FRAS1: variants seen among roughly 807,000 people sequenced by gnomAD.
FRAS1 encodes the protein extracellular matrix organizing protein FRAS1.
Under a neutral mutation model 435.2 loss-of-function variants are expected in FRAS1, and 290 were observed. The observed-to-expected ratio is 0.67, with a 90% CI of 0.61 to 0.73. The LOEUF is 0.73. Among genes scored for constraint, FRAS1 ranks in the 30% least tolerant of loss-of-function variants. The pLI is 0.00. For missense variants in FRAS1, 4,860 were observed against 5,001.5 expected (o/e 0.97, Z 0.85); for synonymous variants, 1,800 against 1,851.0 (o/e 0.97, Z 0.71).
At chr4:78,263,775 A>G (rs1726225761) in intron 6 of FRAS1, among the ~76,000 whole-genome samples, 2 of 152,260 alleles carry the variant, frequency 1.3e-5, no homozygotes, top group African/African-American at 2.4e-5. Flanking sequence ...AAAGAAATAA[A>G]ACAACCTAAA....
chr4:78,260,377 A>T (rs1265602832), intron 6 of FRAS1, among the ~76,000 whole-genome samples: 1 of 151,962 alleles, frequency 6.6e-6, no homozygotes, highest in Admixed American at 6.6e-5. Flanking sequence ...CTTTTATTTC[A>T]TCGATCAGTG....
At chr4:78,456,037 A>C (rs1496581) in intron 47 of FRAS1, among the ~76,000 whole-genome samples, 114,828 of 151,488 alleles carry the variant, frequency 0.76, 44,120 homozygotes, top group African/African-American at 0.87. Context: ...AGGCGAATGC[A>C]GCAGCTGTGG....
At chr4:78,116,042 T>G (rs1340634252) in intron 2 of FRAS1, among the ~76,000 whole-genome samples, 1 of 152,244 alleles carries the variant, frequency 6.6e-6, no homozygotes, top group Admixed American at 6.5e-5. Flanking sequence ...TTTGTTCTCA[T>G]TGGTTTCAAA....
intron 2 of FRAS1, among the ~76,000 whole-genome samples, chr4:78,157,873 T>C (rs538243921): frequency 4.2e-4 from 64 of 152,198 alleles, no homozygotes; most frequent in African/African-American, 1.5e-3. Context: ...AGGGTTCAGT[T>C]TTATTATTCT....
At chr4:78,082,519 T>G (rs1740942792) in intron 2 of FRAS1, among the ~76,000 whole-genome samples, 1 of 152,140 alleles carries the variant, frequency 6.6e-6, no homozygotes, top group African/African-American at 2.4e-5. Flanking sequence ...AAGTACAGTT[T>G]CATTGGAAAT....
intron 23 of FRAS1, among the ~76,000 whole-genome samples, chr4:78,371,083 G>GGTTTTTTTTTTTT (rs1456015210): frequency 1.6e-5 from 2 of 127,436 alleles, no homozygotes; most frequent in African/African-American, 3.2e-5. Flanking sequence ...TTTTTTTTCT[G>GGTTTTTTTTTTTT]TTTTTTTGTT....
intron 61 of FRAS1, among the ~76,000 whole-genome samples, chr4:78,504,187 A>G (rs1314791098): frequency 6.6e-6 from 1 of 152,186 alleles, no homozygotes; most frequent in African/African-American, 2.4e-5. Flanking sequence ...AAGAATGTAT[A>G]TTCTGTTGAT....
intron 70 of FRAS1, among the ~76,000 whole-genome samples, chr4:78,532,405 A>G (rs1721742502): frequency 1.3e-5 from 2 of 152,130 alleles, no homozygotes; most frequent in Admixed American, 6.6e-5. Context: ...TTTATGGTAT[A>G]TATTTAAGGT....
intron 2 of FRAS1, among the ~76,000 whole-genome samples, chr4:78,201,064 T>C (rs1010849759): frequency 2.6e-5 from 4 of 152,120 alleles, no homozygotes; most frequent in African/African-American, 9.7e-5. Flanking sequence ...CATACTTTTC[T>C]GATCTCAGAT....
rs1248624724 is a variant in FRAS1 at position 78,540,598 on chromosome 4, C to T, written c.11513C>T (p.Pro3838Leu). The change falls in exon 74 of 74, where the codon CCC becomes CTC. Residue 3838 changes from proline to leucine, a missense_variant. Transcript: ENST00000512123. ...ATTGGCCCTGACACCATCTCAGGGC[C>T]CCGGGTCCAGCGCTCTCTCACAGCT... ...YIIGPDTISG[P>L]RVQRSLTAPL... 3 of 1,537,882 alleles carry T rather than the reference C, an allele frequency of 2.0e-6. No individual in the cohort carries two copies. The highest frequency in any genetic ancestry group is 2.8e-5 in the African/African-American group (2 of 72,336).
chr4:78,295,436 A>G (rs57912725), intron 14 of FRAS1, among the ~76,000 whole-genome samples: 2,089 of 152,292 alleles, frequency 0.014, 53 homozygotes, highest in African/African-American at 0.047. Context: ...TAAATTGTCA[A>G]TTTGATTGAT....
chr4:78,275,880 A>C (rs532490757), intron 9 of FRAS1, among the ~76,000 whole-genome samples: 1 of 152,192 alleles, frequency 6.6e-6, no homozygotes, highest in Non-Finnish European at 1.5e-5. Context: ...AGATTGGGGA[A>C]GTTCTCCTGG....
rs1255850670 is a variant in FRAS1, at chr4:78,267,273, C to T, written c.822C>T (p.Cys274=). 1 of 1,613,628 alleles carries T rather than the reference C, an allele frequency of 6.2e-7. No individual in the cohort carries two copies. Among genetic ancestry groups the T allele is most frequent in the Non-Finnish European group, 8.5e-7 (1 of 1,179,836 alleles). Reference sequence around the variant, plus strand: ...GCAGGGCTCGGCGTCATGGGCAATGCTGTGAGGAATGTGTGTCTCCTGCCG... The same window carrying T: ...GCAGGGCTCGGCGTCATGGGCAATGTTGTGAGGAATGTGTGTCTCCTGCCG... ...GQSRARRHGQ[C]CEECVSPAGS... is the part of the protein sequence containing the mutation. The change falls in exon 9 of 74, where the codon TGC becomes TGT. Residue 274 remains cysteine (C), a synonymous_variant. Coordinates refer to ENST00000512123, the MANE Select transcript of FRAS1 (RefSeq NM_025074.7).
chr4:78,488,918 G>A lies in FRAS1; in HGVS notation c.8796G>A (p.Glu2932=). ...QFAKDLLLVK[E]KEGVLHVPIT... is the part of the protein sequence containing the mutation. ...CCAAGGATTTGCTCCTAGTGAAGGAGAAGGAGGGTGTCCTGCATGTCCCTA... is the reference window on the plus strand; with the variant it reads ...CCAAGGATTTGCTCCTAGTGAAGGAAAAGGAGGGTGTCCTGCATGTCCCTA... The change falls in exon 59 of 74, where the codon GAG becomes GAA. Residue 2932 remains glutamate, a synonymous_variant. Transcript: ENST00000512123. 1 of 1,613,380 alleles carries A rather than the reference G, an allele frequency of 6.2e-7. No homozygotes were observed. Among genetic ancestry groups the A allele is most frequent in the Non-Finnish European group, 8.5e-7 (1 of 1,179,680 alleles).
intron 27 of FRAS1, among the ~76,000 whole-genome samples, chr4:78,381,366 C>G (rs935989737): frequency 6.6e-6 from 1 of 152,188 alleles, no homozygotes; most frequent in Non-Finnish European, 1.5e-5. Flanking sequence ...TACAGTGGCA[C>G]GATCTTGGCT....
intron 2 of FRAS1, among the ~76,000 whole-genome samples, chr4:78,191,577 C>T (rs150590130): frequency 0.025 from 3,646 of 146,206 alleles, 98 homozygotes; most frequent in African/African-American, 0.068. Flanking sequence ...TTTTAGGGTT[C>T]GTGTGCACAA....
chr4:78,235,461 T>G (rs1025086231), intron 2 of FRAS1, among the ~76,000 whole-genome samples: 4 of 152,200 alleles, frequency 2.6e-5, no homozygotes, highest in African/African-American at 9.6e-5. Flanking sequence ...TTAGTAGGAC[T>G]CCAACTACTT....
rs1276472874 is a variant in FRAS1, at chr4:78,252,377, CT to C, written c.310-14del. On this transcript the variant is annotated splice_polypyrimidine_tract_variant and intron_variant, in intron 4 of 73. Coordinates refer to ENST00000512123, the MANE Select transcript of FRAS1 (RefSeq NM_025074.7). ...GGCACTAACCTTTTTTTTTTTCTGT[CT>C]CCCTAACACACAGCATGGGACAGAA... is the stretch of plus-strand genomic sequence containing the variant. The C allele has an allele frequency of 1.3e-6, 2 of 1,566,094 alleles. No homozygotes were observed. The highest frequency in any genetic ancestry group is 2.8e-5 in the African/African-American group (2 of 71,364).
At chr4:78,263,479 C>T (rs1369668433) in intron 6 of FRAS1, among the ~76,000 whole-genome samples, 2 of 152,200 alleles carry the variant, frequency 1.3e-5, no homozygotes, top group Non-Finnish European at 2.9e-5. Flanking sequence ...GTCTACTCCA[C>T]GTTGCTTAAG....
Sources: allele counts gnomAD v4.1 joint callset (sites outside exome capture counted in the v4.1 genomes callset), GRCh38; gene constraint gnomAD v4.1.1; transcripts MANE v1.5; gene names NCBI Gene and HGNC (gene_info 2026-07-23, HGNC 2026-07-21).